Variants in CRY1 observed in about 807,000 individuals in gnomAD.
The protein encoded by CRY1 is cryptochrome circadian regulator 1.
A neutral mutation model predicts 76.0 loss-of-function variants in CRY1; 45 were observed. The observed-to-expected ratio is 0.59, with a 90% confidence interval of 0.47 to 0.76. The LOEUF (loss-of-function observed/expected upper bound fraction) is 0.76. CRY1 is among the 30% of genes least tolerant of loss of function. CRY1 has a pLI of 0.00. For missense variants in CRY1, 587 were observed against 716.4 expected (o/e 0.82, Z 2.06); for synonymous variants, 248 against 244.0 (o/e 1.02, Z -0.15).
chr12:106,996,151 A>G (rs1002308375), intron 10 of CRY1, among the ~76,000 whole-genome samples: 2 of 152,038 alleles, frequency 1.3e-5, no homozygotes, highest in African/African-American at 4.8e-5. Context: ...TGGCCCCAGT[A>G]TGTGTTGTTC....
intron 1 of CRY1, among the ~76,000 whole-genome samples, chr12:107,055,473 C>T (rs1027668351): frequency 2.3e-4 from 35 of 151,922 alleles, no homozygotes; most frequent in Admixed American, 2.0e-3. Context: ...CTAAAAATAG[C>T]CTAAGAATTC....
intron 1 of CRY1, among the ~76,000 whole-genome samples, chr12:107,042,489 T>C (rs1338857556): frequency 6.6e-6 from 1 of 152,180 alleles, no homozygotes; most frequent in Non-Finnish European, 1.5e-5. Flanking sequence ...ACATCACTTC[T>C]GTGGCATTTT....
At chr12:107,036,338 C>T (rs972646833) in intron 1 of CRY1, among the ~76,000 whole-genome samples, 6 of 152,202 alleles carry the variant, frequency 3.9e-5, no homozygotes, top group Non-Finnish European at 7.3e-5. Flanking sequence ...CAAATCTTAA[C>T]AGCTCTATGT....
At chr12:107,005,589 C>T (rs182901529) in intron 2 of CRY1, among the ~76,000 whole-genome samples, 29 of 152,222 alleles carry the variant, frequency 1.9e-4, no homozygotes, top group Admixed American at 1.8e-3. Context: ...CAGAGTTTGG[C>T]ACTTTGGTTA....
chr12:107,043,929 C>T (rs1018558472), intron 1 of CRY1, among the ~76,000 whole-genome samples: 6 of 152,022 alleles, frequency 3.9e-5, no homozygotes, highest in Admixed American at 2.6e-4. Flanking sequence ...CAGGCTCAAA[C>T]CTCCAAAGTA....
chr12:106,995,447 T>C (rs1217416425), intron 10 of CRY1, among the ~76,000 whole-genome samples: 1 of 152,218 alleles, frequency 6.6e-6, no homozygotes, highest in Non-Finnish European at 1.5e-5. Context: ...ACCCTGTTTT[T>C]ATCCTGTTTT....
chr12:107,014,336 G>C (rs1363063632), intron 2 of CRY1, among the ~76,000 whole-genome samples: 1 of 152,154 alleles, frequency 6.6e-6, no homozygotes, highest in Non-Finnish European at 1.5e-5. Context: ...GTAGGCTGTG[G>C]CTGGTTCAGG....
At chr12:107,083,868 AG>A (rs1249286420) in intron 1 of CRY1, among the ~76,000 whole-genome samples, 2 of 152,190 alleles carry the variant, frequency 1.3e-5, no homozygotes, top group African/African-American at 4.8e-5. Context: ...AAAGAAATAA[AG>A]GGTATTCAAA....
chr12:106,997,898 A>G lies in CRY1; in HGVS notation c.1289+17T>C, dbSNP rs769292994. On this transcript the variant is annotated intron_variant, in intron 8 of 12. Coordinates refer to ENST00000008527, the MANE Select transcript of CRY1 (RefSeq NM_004075.5). ...AATTAACTATTCCAAACTGAGTAGT[A>G]ATCACCCTTGATTTACCTGATATAG... is the stretch of plus-strand genomic sequence containing the variant. 5 of 1,610,884 alleles carry G rather than the reference A, an allele frequency of 3.1e-6. No homozygotes were observed. Among genetic ancestry groups the G allele is most frequent in the Non-Finnish European group, 4.2e-6 (5 of 1,178,882 alleles).
intron 1 of CRY1, among the ~76,000 whole-genome samples, chr12:107,071,509 T>C (rs926332612): frequency 1.3e-5 from 2 of 152,208 alleles, no homozygotes; most frequent in Admixed American, 1.3e-4. Context: ...TTATCATGTT[T>C]TAGAACAATT....
intron 1 of CRY1, among the ~76,000 whole-genome samples, chr12:107,028,549 T>A (rs568327884): frequency 1.3e-5 from 2 of 152,278 alleles, no homozygotes; most frequent in South Asian, 4.1e-4. Context: ...AACATTTCCA[T>A]ACACACAATT....
At position 107,001,386 on chromosome 12, in the gene CRY1, A is replaced by G; in HGVS notation, c.596-18T>C. 1 of 1,576,002 alleles carries G rather than the reference A, an allele frequency of 6.3e-7. No individual in the cohort carries two copies. On this transcript the variant is annotated intron_variant, in intron 4 of 12. Coordinates refer to ENST00000008527, the MANE Select transcript of CRY1 (RefSeq NM_004075.5). Reference sequence around the variant, plus strand: ...ATCAAAACCTACAAGAAAGAAAAGAAAAAAACATCATTCTTCCGAAACTAA... The same window carrying G: ...ATCAAAACCTACAAGAAAGAAAAGAGAAAAACATCATTCTTCCGAAACTAA...
chr12:107,077,448 T>C (rs146183645), intron 1 of CRY1, among the ~76,000 whole-genome samples: 65 of 152,308 alleles, frequency 4.3e-4, no homozygotes, highest in Non-Finnish European at 6.0e-4. Context: ...GAGAGAGATT[T>C]ACCCAAGGTC....
At chr12:107,069,708 GTA>G (rs1366977141) in intron 1 of CRY1, among the ~76,000 whole-genome samples, 2 of 143,114 alleles carry the variant, frequency 1.4e-5, no homozygotes, top group African/African-American at 5.1e-5. Flanking sequence ...TATATATAGT[GTA>G]TATATATAAA....
chr12:107,029,776 CT>C (rs1952656335), intron 1 of CRY1, among the ~76,000 whole-genome samples: 1 of 151,884 alleles, frequency 6.6e-6, no homozygotes, highest in South Asian at 2.1e-4. Context: ...AGCTTAAAAC[CT>C]AAAAAAGTAA....
At position 107,093,088 on chromosome 12, in the gene CRY1, C is replaced by A. The variant is rs1953495684; in HGVS notation, c.-127G>T. 5 of 1,180,906 alleles carry A rather than the reference C, an allele frequency of 4.2e-6. No homozygotes were observed. Among genetic ancestry groups the A allele is most frequent in the African/African-American group, 3.2e-5 (2 of 63,486 alleles). 73.2% of individuals were successfully genotyped at this position (1,180,906 alleles called of 1,614,324 possible). On this transcript the variant is annotated 5_prime_UTR_variant, in exon 1 of 13. Coordinates refer to ENST00000008527, the MANE Select transcript of CRY1 (RefSeq NM_004075.5). ...TGAGGAAAGGGCGGCAGAGGGGGAA[C>A]AGGAAAAAATGACTCCGAGGAGGGG...
At chr12:107,037,426 G>A (rs1476143959) in intron 1 of CRY1, among the ~76,000 whole-genome samples, 2 of 152,022 alleles carry the variant, frequency 1.3e-5, no homozygotes, top group Non-Finnish European at 2.9e-5. Context: ...CAACTACTCG[G>A]GAGGCAGAGG....
chr12:107,003,129 G>A (rs1046601254), intron 3 of CRY1, among the ~76,000 whole-genome samples: 5 of 152,020 alleles, frequency 3.3e-5, no homozygotes, highest in Admixed American at 6.5e-5. Flanking sequence ...GCTAATGAAG[G>A]CATGAGAGAT....
chr12:107,006,427 T>C (rs1338064960), intron 2 of CRY1, among the ~76,000 whole-genome samples: 1 of 152,110 alleles, frequency 6.6e-6, no homozygotes, highest in African/African-American at 2.4e-5. Context: ...TTTACCTTTA[T>C]GCACACATCT....
Sources: allele counts gnomAD v4.1 joint callset (sites outside exome capture counted in the v4.1 genomes callset), GRCh38; gene constraint gnomAD v4.1.1; transcripts MANE v1.5; gene names NCBI Gene and HGNC (gene_info 2026-07-23, HGNC 2026-07-21).